HPSE2: variants seen among roughly 807,000 people sequenced by gnomAD.
The protein encoded by HPSE2 is heparanase 2 (inactive).
A neutral mutation model predicts 60.5 loss-of-function variants in HPSE2; 38 were observed. The ratio of observed to expected loss-of-function variants is 0.63; its 90% CI spans 0.48 to 0.82. The LOEUF is 0.82. HPSE2 is among the 40% of genes least tolerant of loss of function. The pLI, the probability that HPSE2 is intolerant of heterozygous loss-of-function variation, is 0.00. For synonymous variants in HPSE2, 295 were observed against 293.2 expected (o/e 1.01, Z -0.06); for missense variants, 713 against 740.4 (o/e 0.96, Z 0.43).
chr10:99,067,370 C>T (rs1310507548), intron 3 of HPSE2, among the ~76,000 whole-genome samples: 1 of 152,238 alleles, frequency 6.6e-6, no homozygotes, highest in Non-Finnish European at 1.5e-5. Context: ...TCTGACCCCA[C>T]ATTTCCCTTC....
the HPSE2 span, among the ~76,000 whole-genome samples, chr10:99,272,767 A>T: frequency 6.6e-6 from 1 of 152,198 alleles, no homozygotes; most frequent in African/African-American, 2.4e-5. Flanking sequence ...AAAAAATAAA[A>T]AAATAATAGA....
At chr10:98,825,864 G>A (rs1015650407) in intron 3 of HPSE2, among the ~76,000 whole-genome samples, 1 of 152,178 alleles carries the variant, frequency 6.6e-6, no homozygotes, top group East Asian at 1.9e-4. Flanking sequence ...TGCATGTGGT[G>A]CCAAACAGCT....
chr10:99,242,251 T>C, the HPSE2 span, among the ~76,000 whole-genome samples: 2 of 152,216 alleles, frequency 1.3e-5, no homozygotes, highest in African/African-American at 4.8e-5. Context: ...TTGGGGATGT[T>C]TGTTATTGAA....
intron 6 of HPSE2, among the ~76,000 whole-genome samples, chr10:98,688,819 A>AT (rs1332321010): frequency 4.6e-5 from 7 of 151,838 alleles, no homozygotes; most frequent in Non-Finnish European, 8.8e-5. Flanking sequence ...GCTTTCATTG[A>AT]TAAAAAAAAG....
intron 3 of HPSE2, among the ~76,000 whole-genome samples, chr10:99,080,350 T>C (rs940954541): frequency 1.1e-4 from 16 of 152,134 alleles, no homozygotes; most frequent in African/African-American, 3.4e-4. Context: ...CTTAACTATC[T>C]AGTAAACAAT....
intron 7 of HPSE2, among the ~76,000 whole-genome samples, chr10:98,626,047 A>G (rs536964436): frequency 6.6e-5 from 10 of 150,858 alleles, no homozygotes; most frequent in African/African-American, 2.2e-4. Flanking sequence ...AGGAGCTTGC[A>G]GTGAGCCGAG....
At chr10:98,953,640 G>A (rs1955429942) in intron 3 of HPSE2, among the ~76,000 whole-genome samples, 1 of 152,102 alleles carries the variant, frequency 6.6e-6, no homozygotes, top group African/African-American at 2.4e-5. Context: ...GAGGATTTGG[G>A]GAAGATGGTT....
intron 3 of HPSE2, among the ~76,000 whole-genome samples, chr10:98,894,162 A>G (rs986729258): frequency 6.6e-6 from 1 of 152,186 alleles, no homozygotes; most frequent in Non-Finnish European, 1.5e-5. Flanking sequence ...CTGGCAAAAC[A>G]ACACTCAAAT....
chr10:98,507,500 G>A (rs1431485997), intron 9 of HPSE2, among the ~76,000 whole-genome samples: 2 of 152,178 alleles, frequency 1.3e-5, no homozygotes, highest in African/African-American at 2.4e-5. Flanking sequence ...TCAGGGCAAT[G>A]GAGGGTTTTG....
At chr10:98,743,013 C>A (rs1256567260) in intron 4 of HPSE2, among the ~76,000 whole-genome samples, 1 of 140,808 alleles carries the variant, frequency 7.1e-6, no homozygotes, top group African/African-American at 2.7e-5. Flanking sequence ...CTTGCTGTTG[C>A]CCAGGCTGGA....
At chr10:98,930,379 C>T (rs1457652714) in intron 3 of HPSE2, among the ~76,000 whole-genome samples, 2 of 144,314 alleles carry the variant, frequency 1.4e-5, no homozygotes, top group Non-Finnish European at 3.0e-5. Context: ...TTTATCCAGT[C>T]TATCATTGAT....
At chr10:99,209,556 A>T (rs1465205996) in intron 2 of HPSE2, among the ~76,000 whole-genome samples, 1 of 152,206 alleles carries the variant, frequency 6.6e-6, no homozygotes. Flanking sequence ...ACCTAACATT[A>T]TGCCTGAAGG....
intron 7 of HPSE2, among the ~76,000 whole-genome samples, chr10:98,625,314 G>C (rs1463517253): frequency 6.6e-6 from 1 of 152,184 alleles, no homozygotes; most frequent in Non-Finnish European, 1.5e-5. Flanking sequence ...CTAGAGAAGA[G>C]CAACATGCTT....
chr10:99,218,421 G>C (rs1163883836), intron 2 of HPSE2, among the ~76,000 whole-genome samples: 2 of 151,900 alleles, frequency 1.3e-5, no homozygotes, highest in Admixed American at 1.3e-4. Flanking sequence ...ACTGATTCTT[G>C]ATACACACCA....
intron 9 of HPSE2, among the ~76,000 whole-genome samples, chr10:98,491,691 A>T (rs987276153): frequency 6.6e-6 from 1 of 152,206 alleles, no homozygotes. Flanking sequence ...TATTTTACAG[A>T]TATGAGAATG....
At chr10:98,673,556 G>C (rs1413550240) in intron 6 of HPSE2, among the ~76,000 whole-genome samples, 2 of 152,118 alleles carry the variant, frequency 1.3e-5, no homozygotes, top group Non-Finnish European at 2.9e-5. Context: ...GAGCAGGGGA[G>C]CATGTGACTC....
intron 9 of HPSE2, among the ~76,000 whole-genome samples, chr10:98,514,428 T>G (rs1196086403): frequency 1.3e-5 from 2 of 152,186 alleles, no homozygotes; most frequent in African/African-American, 4.8e-5. Flanking sequence ...GCAAATTTTA[T>G]GTTATATATA....
At chr10:98,715,946 A>G (rs1452521604) in intron 5 of HPSE2, among the ~76,000 whole-genome samples, 1 of 152,060 alleles carries the variant, frequency 6.6e-6, no homozygotes, top group Non-Finnish European at 1.5e-5. Context: ...GTAGCATTCA[A>G]TGCTGTTTGA....
At chr10:98,720,197 C>T (rs112735530) in intron 5 of HPSE2, among the ~76,000 whole-genome samples, 6 of 152,074 alleles carry the variant, frequency 3.9e-5, no homozygotes, top group African/African-American at 1.4e-4. Flanking sequence ...TACTTAATAA[C>T]GAATTGAGTG....
Sources: allele counts gnomAD v4.1 joint callset (sites outside exome capture counted in the v4.1 genomes callset), GRCh38; gene constraint gnomAD v4.1.1; transcripts MANE v1.5; gene names NCBI Gene and HGNC (gene_info 2026-07-23, HGNC 2026-07-21).